Variants in FAM227B observed in about 807,000 individuals in gnomAD.
The protein encoded by FAM227B is protein FAM227B.
Under a neutral mutation model 73.8 loss-of-function variants are expected in FAM227B, and 88 were observed. That is an observed-to-expected ratio of 1.19 (90% CI 1.00 to 1.42). The LOEUF is 1.42. Ranked by LOEUF, FAM227B falls within the 40% of genes most tolerant of loss-of-function variation. The pLI, the probability that FAM227B is intolerant of heterozygous loss-of-function variation, is 0.00. For synonymous variants in FAM227B, 210 were observed against 190.5 expected, an observed-to-expected ratio of 1.10 and a Z score of -0.84; for missense variants, 632 against 590.9, an observed-to-expected ratio of 1.07 and a Z score of -0.72.
chr15:49,479,581 T>C (rs1238224048), intron 11 of FAM227B, among the ~76,000 whole-genome samples: 1 of 151,342 alleles, frequency 6.6e-6, no homozygotes, highest in Non-Finnish European at 1.5e-5. Flanking sequence ...AGGGTAGGAT[T>C]TCATAGTTAA....
chr15:49,469,514 T>C (rs1415267655), intron 11 of FAM227B, among the ~76,000 whole-genome samples: 3 of 151,992 alleles, frequency 2.0e-5, no homozygotes, highest in Non-Finnish European at 4.4e-5. Flanking sequence ...TTTCTTAGAG[T>C]CAGAACAAGA....
intron 11 of FAM227B, among the ~76,000 whole-genome samples, chr15:49,458,953 AT>A: frequency 1.3e-5 from 2 of 152,200 alleles, no homozygotes; most frequent in Non-Finnish European, 2.9e-5. Flanking sequence ...GCTTATAAAA[AT>A]ATTGATCTGC....
intron 13 of FAM227B, among the ~76,000 whole-genome samples, chr15:49,341,972 T>C (rs1265338292): frequency 6.6e-6 from 1 of 152,206 alleles, no homozygotes; most frequent in African/African-American, 2.4e-5. Context: ...TATTAGAGCA[T>C]GTTCTGTGTG....
At chr15:49,399,687 G>C (rs1048533524) in intron 11 of FAM227B, among the ~76,000 whole-genome samples, 2 of 148,548 alleles carry the variant, frequency 1.3e-5, no homozygotes, top group Non-Finnish European at 3.0e-5. Flanking sequence ...ATGCAAGGCT[G>C]GTTCAATATA....
intron 11 of FAM227B, among the ~76,000 whole-genome samples, chr15:49,477,651 T>C (rs1346986217): frequency 6.6e-6 from 1 of 152,168 alleles, no homozygotes. Flanking sequence ...CATGTTCAGG[T>C]TTTTGTGTGG....
intron 11 of FAM227B, among the ~76,000 whole-genome samples, chr15:49,409,634 T>G (rs2048745197): frequency 6.6e-6 from 1 of 151,870 alleles, no homozygotes; most frequent in African/African-American, 2.4e-5. Context: ...TTGTTGTAAT[T>G]ATTATTGTTA....
In FAM227B at chr15:49,400,404, T is replaced by C. The variant is rs988594083; in HGVS notation, c.1013-29005A>G. On this transcript the variant is annotated intron_variant, in intron 11 of 15. Transcript: ENST00000299338. ...TGCTCATGGGTAGGAAGAATCAATATCGTGAAAATGGCCATACTGCCCAAG... is the reference window on the plus strand; with the variant it reads ...TGCTCATGGGTAGGAAGAATCAATACCGTGAAAATGGCCATACTGCCCAAG... Among the ~76,000 whole-genome samples the C allele has an allele frequency of 3.7e-5, 4 of 108,490 alleles. 1 individual carries two copies. The highest frequency in any genetic ancestry group is 7.2e-5 in the Non-Finnish European group (4 of 55,882). The allele number at this position is 108,490 out of a possible 152,430, so 71.2% of individuals were successfully genotyped here. A position where few individuals can be genotyped will look rare whatever the true frequency, so the allele number is the denominator to read the frequency against.
At chr15:49,417,013 A>G (rs919889680) in intron 11 of FAM227B, among the ~76,000 whole-genome samples, 2 of 152,190 alleles carry the variant, frequency 1.3e-5, no homozygotes, top group Non-Finnish European at 2.9e-5. Flanking sequence ...TACCAATGAC[A>G]TTCTTCACAG....
intron 11 of FAM227B, among the ~76,000 whole-genome samples, chr15:49,373,136 A>G (rs1393577321): frequency 1.3e-5 from 2 of 151,980 alleles, no homozygotes; most frequent in African/African-American, 4.8e-5. Flanking sequence ...AGTATCATTA[A>G]AAAAATAAAA....
At chr15:49,580,822 A>C (rs910298594) in intron 5 of FAM227B, among the ~76,000 whole-genome samples, 1 of 152,222 alleles carries the variant, frequency 6.6e-6, no homozygotes, top group African/African-American at 2.4e-5. Flanking sequence ...AAAACACGCT[A>C]AAAGTATTTA....
chr15:49,353,807 G>C (rs1282360138), intron 13 of FAM227B: 3 of 152,052 alleles, frequency 2.0e-5, no homozygotes, highest in Non-Finnish European at 4.4e-5. Context: ...TTGTATTTCA[G>C]CTAATTTATC....
chr15:49,403,969 C>T (rs184085628), intron 11 of FAM227B, among the ~76,000 whole-genome samples: 248 of 152,238 alleles, frequency 1.6e-3, no homozygotes, highest in African/African-American at 5.7e-3. Flanking sequence ...TCTTTGTTCT[C>T]ATTAATTTCA....
intron 10 of FAM227B, among the ~76,000 whole-genome samples, chr15:49,528,116 T>G (rs1351541360): frequency 6.6e-6 from 1 of 151,776 alleles, no homozygotes; most frequent in Non-Finnish European, 1.5e-5. Context: ...TACAAAGCTA[T>G]AGTAACCCAA....
intron 11 of FAM227B, among the ~76,000 whole-genome samples, chr15:49,462,854 G>T (rs1423799505): frequency 6.6e-6 from 1 of 151,924 alleles, no homozygotes; most frequent in African/African-American, 2.4e-5. Context: ...AATTATAAAC[G>T]ATATTACATT....
rs746572313 is a variant in FAM227B, at chr15:49,568,323, G to A, written c.669C>T (p.Cys223=). Residue 223 remains cysteine (C), a synonymous_variant, in exon 9 of 16, where the codon TGC becomes TGT. Transcript: ENST00000299338. ...KFRPDRENQD[C]LFDRISESYV... ...AACTTTCTGAAATTCTATCGAATAA[G>A]CAATCTTGGTTTTCTCTGTCAGGCT... 6.8e-5 allele frequency: 109 copies of A among 1,610,422 alleles called. No homozygotes were observed. The highest frequency in any genetic ancestry group is 8.6e-5 in the Non-Finnish European group (101 of 1,178,484).
At chr15:49,528,225 A>C (rs2060349380) in intron 10 of FAM227B, among the ~76,000 whole-genome samples, 1 of 151,862 alleles carries the variant, frequency 6.6e-6, no homozygotes, top group Admixed American at 6.6e-5. Context: ...TCTTTGACTA[A>C]GTCAACAAAA....
chr15:49,335,016 G>C (rs2039456013), intron 14 of FAM227B, among the ~76,000 whole-genome samples: 3 of 152,304 alleles, frequency 2.0e-5, no homozygotes, highest in African/African-American at 7.2e-5. Context: ...GGACTTTGCT[G>C]TCTTGATTTC....
intron 11 of FAM227B, among the ~76,000 whole-genome samples, chr15:49,442,188 C>T (rs1162938925): frequency 6.6e-6 from 1 of 151,510 alleles, no homozygotes; most frequent in Non-Finnish European, 1.5e-5. Context: ...CTACTGTTTG[C>T]TAATGGAAAG....
At position 49,451,565 on chromosome 15, in the gene FAM227B, C is replaced by A. The variant is rs75805553; in HGVS notation, c.1012+56646G>T. On this transcript the variant is annotated intron_variant, in intron 11 of 15. Coordinates refer to ENST00000299338, the MANE Select transcript of FAM227B (RefSeq NM_152647.3). ...TTAGTATTTATATTTTTTTCTAAAT[C>A]TTCTTAGAATTCCTCTTCAATTCAC... 1.1e-3 allele frequency among the ~76,000 whole-genome samples: 161 copies of A among 152,008 alleles called. 1 individual carries two copies. Among genetic ancestry groups the A allele is most frequent in the Admixed American group, 2.7e-3 (41 of 15,250 alleles).
Sources: gnomAD v4.1 joint callset for allele counts (sites outside exome capture counted in the v4.1 genomes callset) on GRCh38, gnomAD v4.1.1 for gene constraint, MANE v1.5 for transcripts, NCBI Gene and HGNC (gene_info 2026-07-23, HGNC 2026-07-21) for gene names.